The following UBXN8 variants were observed in gnomAD, a reference collection of about 807,000 sequenced individuals.
UBXN8 encodes UBX domain protein 8.
In UBXN8, 27 loss-of-function variants were observed where a neutral mutation model predicts 32.1. The ratio of observed to expected loss-of-function variants is 0.84; its 90% CI spans 0.62 to 1.16. UBXN8 has a LOEUF of 1.16. UBXN8 is among the 50% of genes most tolerant of loss of function. The pLI is 0.00. For synonymous variants in UBXN8, 109 were observed against 111.8 expected, an observed-to-expected ratio of 0.98 and a Z score of 0.16; for missense variants, 306 against 311.4, an observed-to-expected ratio of 0.98 and a Z score of 0.13.
intron 5 of UBXN8, among the ~76,000 whole-genome samples, 173 bp downstream of exon 5, chr8:30,757,060 T>C (rs7012289): frequency 0.98 from 148,945 of 152,118 alleles, 72,997 homozygotes; most frequent in Middle Eastern, 1. Flanking sequence ...GTGGCTGACA[T>C]CTGTAATCCC....
At chr8:30,751,930 T>C (rs1233731518) in intron 2 of UBXN8, among the ~76,000 whole-genome samples, 2 of 150,938 alleles carry the variant, frequency 1.3e-5, no homozygotes, top group African/African-American at 4.9e-5. Context: ...AGTCTCACTC[T>C]GTCACCAGCT....
chr8:30,736,496 G>A (rs1366478059), intron 1 of UBXN8, among the ~76,000 whole-genome samples: 1 of 151,846 alleles, frequency 6.6e-6, no homozygotes, highest in East Asian at 1.9e-4. Context: ...TTTTTGAGAC[G>A]GAGTTTCGCT....
chr8:30,737,296 C>A (rs1805087342), intron 1 of UBXN8, among the ~76,000 whole-genome samples: 3 of 152,168 alleles, frequency 2.0e-5, no homozygotes, highest in Middle Eastern at 6.8e-3. Context: ...ATCACTCTTA[C>A]TCGGGGAAGC....
At chr8:30,752,999 G>A (rs750843090) in intron 2 of UBXN8, 36 bp from the exon 3 acceptor site, 4 of 1,478,752 alleles carry the variant, frequency 2.7e-6, no homozygotes, top group Non-Finnish European at 3.6e-6. Context: ...AAGATACTTG[G>A]GAAGTAAAAA....
At chr8:30,765,060 A>G (rs1805962429) in intron 7 of UBXN8, among the ~76,000 whole-genome samples, 2 of 152,128 alleles carry the variant, frequency 1.3e-5, no homozygotes, top group African/African-American at 4.8e-5. Flanking sequence ...AAAACAAAAC[A>G]AAACAAAACC....
chr8:30,754,509 C>G (rs908047882), intron 3 of UBXN8, 156 bp from the exon 4 acceptor site: 2 of 957,322 alleles, frequency 2.1e-6, no homozygotes, highest in Non-Finnish European at 3.1e-6. Flanking sequence ...GCTGTCGGCA[C>G]GAGCCTCCCC....
chr8:30,751,289 G>A (rs1427513925), intron 1 of UBXN8, 107 bp from the exon 2 acceptor site: 1 of 910,878 alleles, frequency 1.1e-6, no homozygotes, highest in African/African-American at 1.7e-5. Flanking sequence ...CAAGGCAGGA[G>A]GATCACGTGA....
intron 4 of UBXN8, 115 bp downstream of exon 4, chr8:30,754,902 G>A: frequency 1.7e-5 from 21 of 1,247,224 alleles, no homozygotes; most frequent in Non-Finnish European, 2.2e-5. Flanking sequence ...TATTGATAAT[G>A]ATTATCAGTT....
At chr8:30,752,644 C>T (rs1422674388) in intron 2 of UBXN8, among the ~76,000 whole-genome samples, 1 of 152,092 alleles carries the variant, frequency 6.6e-6, no homozygotes, top group Non-Finnish European at 1.5e-5. Context: ...GTTTGTGAGT[C>T]CTAGAAGCCT....
At chr8:30,737,636 C>T (rs912033386) in intron 1 of UBXN8, among the ~76,000 whole-genome samples, 3 of 133,100 alleles carry the variant, frequency 2.3e-5, no homozygotes, top group Admixed American at 8.6e-5. Flanking sequence ...TGCAGTAAGC[C>T]GTGATCTCAC....
In UBXN8 at chr8:30,744,197, C is replaced by T. The variant is rs1483914506; in HGVS notation, c.8C>T (p.Ser3Leu). 3.1e-6 allele frequency: 5 copies of T among 1,613,280 alleles called. No homozygotes were observed. The highest frequency in any genetic ancestry group is 3.3e-5 in the Admixed American group (2 of 59,874). MA[S>L]RGVVGIFFLS... Reference sequence around the variant, plus strand: ...CCAGGCGCTTCCGCCACCATGGCTTCACGTGGGGTTGTTGGCATTTTCTTC... The same window carrying T: ...CCAGGCGCTTCCGCCACCATGGCTTTACGTGGGGTTGTTGGCATTTTCTTC... The change falls in exon 1 of 8, where the codon TCA (serine) becomes TTA (leucine). Residue 3 changes from serine to leucine, a missense_variant. Physicochemically the swap from Ser to Leu is moderately radical, Grantham distance 145 (BLOSUM62 -2). Coordinates refer to ENST00000265616, the MANE Select transcript of UBXN8 (RefSeq NM_005671.4).
upstream of UBXN8, among the ~76,000 whole-genome samples, chr8:30,729,216 T>C (rs926062743): frequency 1.3e-5 from 2 of 152,236 alleles, no homozygotes; most frequent in Non-Finnish European, 2.9e-5. Flanking sequence ...CTGCGAGCGC[T>C]CCTGGGTAGG....
Position 30,754,740 on chromosome 8 carries a change from C to T in UBXN8, c.358C>T (p.Gln120Ter). ...GAGAAAACTGGAGGAGCGCTTTTAT[C>T]AAATGACGGGTGAAGCCTGGAAATT... ...KLRKLEERFY[Q>*]MTGEAWKLSS... is the part of the protein sequence containing the mutation. The change falls in exon 4 of 8, where the codon CAA becomes TAA. Residue 120 changes from glutamine to a stop codon, truncating the protein, a stop_gained. Transcript: ENST00000265616. LOFTEE classifies it high-confidence loss of function. The T allele has an allele frequency of 6.4e-7, 1 of 1,563,134 alleles. No homozygotes were observed. The highest frequency in any genetic ancestry group is 8.6e-7 in the Non-Finnish European group (1 of 1,164,774).
rs140271931 is a variant in UBXN8 at position 30,761,404 on chromosome 8, C to T, written c.570+475C>T. ...GGATTACAGGCATCTGCCACCACAT[C>T]GGGCTAGTTTTTGTATTTTTAGTAG... is the stretch of plus-strand genomic sequence containing the variant. On this transcript the variant is annotated intron_variant, in intron 6 of 7. Coordinates refer to ENST00000265616, the MANE Select transcript of UBXN8 (RefSeq NM_005671.4). Among the ~76,000 whole-genome samples the T allele has an allele frequency of 3.4e-3, 525 of 152,174 alleles. 7 individuals are homozygous for T. The highest frequency in any genetic ancestry group is 0.012 in the African/African-American group (514 of 41,520).
At chr8:30,737,478 G>A (rs1378393945) in intron 1 of UBXN8, among the ~76,000 whole-genome samples, 2 of 152,162 alleles carry the variant, frequency 1.3e-5, no homozygotes, top group African/African-American at 4.8e-5. Context: ...AGACTCCATG[G>A]TGTGCAAGAA....
At chr8:30,763,710 G>C (rs2911685) in intron 7 of UBXN8, among the ~76,000 whole-genome samples, 52,825 of 151,996 alleles carry the variant, frequency 0.35, 11,420 homozygotes, top group East Asian at 0.74. Context: ...AATACTGTGG[G>C]CTGGGTGCAG....
At chr8:30,731,969 C>G (rs4038122), upstream of UBXN8, among the ~76,000 whole-genome samples, 1 of 152,166 alleles carries the variant, frequency 6.6e-6, no homozygotes, top group Non-Finnish European at 1.5e-5. Context: ...GTACCTAACC[C>G]GTACATATTG....
At chr8:30,761,112 C>G (rs1288308740) in intron 6 of UBXN8, among the ~76,000 whole-genome samples, 183 bp downstream of exon 6, 2 of 151,988 alleles carry the variant, frequency 1.3e-5, no homozygotes, top group East Asian at 3.9e-4. Flanking sequence ...GTTGCCTAGG[C>G]TGGCCTTGAA....
upstream of UBXN8, among the ~76,000 whole-genome samples, chr8:30,739,836 C>T (rs1586087365): frequency 6.6e-6 from 1 of 152,168 alleles, no homozygotes; most frequent in East Asian, 1.9e-4. Flanking sequence ...TTACAGAAGT[C>T]CTAGAAGAGG....
Sources: gnomAD v4.1 joint callset for allele counts (sites outside exome capture counted in the v4.1 genomes callset) on GRCh38, gnomAD v4.1.1 for gene constraint, MANE v1.5 for transcripts, NCBI Gene and HGNC (gene_info 2026-07-23, HGNC 2026-07-21) for gene names.